Variants in H2AZ2 observed in about 807,000 individuals in gnomAD.
The protein encoded by H2AZ2 is histone H2A.V.
H2AZ2 carries 5 observed loss-of-function variants against 15.5 expected under a neutral mutation model. The ratio of observed to expected loss-of-function variants is 0.32; its 90% CI spans 0.17 to 0.68. The LOEUF is 0.68. Ranked by LOEUF, H2AZ2 falls within the 30% of genes least tolerant of loss-of-function variation. The pLI is 0.72. For missense variants in H2AZ2, 42 were observed against 162.5 expected (o/e 0.26, Z 4.03); for synonymous variants, 44 against 57.4 (o/e 0.77, Z 1.05).
At chr7:44,835,729 T>A in intron 3 of H2AZ2, 71 bp from the exon 4 acceptor site, 1 of 1,388,174 alleles carries the variant, frequency 7.2e-7, no homozygotes, top group East Asian at 2.3e-5. Flanking sequence ...ACTTAGCATT[T>A]GTACATACAA....
intron 3 of H2AZ2, among the ~76,000 whole-genome samples, chr7:44,839,965 T>C (rs990087444): frequency 1.3e-5 from 2 of 151,406 alleles, no homozygotes; most frequent in African/African-American, 4.8e-5. Context: ...ATTGTGCCAT[T>C]GCACTCCACC....
chr7:44,828,254 T>G (rs962774047), downstream of H2AZ2: 53 of 152,238 alleles, frequency 3.5e-4, no homozygotes, highest in African/African-American at 1.2e-3. Context: ...TTAACGACCT[T>G]GGTACTTCCT....
chr7:44,839,459 G>A (rs917918529), intron 3 of H2AZ2, among the ~76,000 whole-genome samples: 9 of 151,038 alleles, frequency 6.0e-5, no homozygotes, highest in East Asian at 2.0e-4. Flanking sequence ...GGTGGCTCAC[G>A]AGGTCAGGAG....
downstream of H2AZ2, among the ~76,000 whole-genome samples, chr7:44,831,666 G>A (rs919581612): frequency 2.0e-5 from 3 of 151,852 alleles, no homozygotes; most frequent in Non-Finnish European, 4.4e-5. Flanking sequence ...ATCCTGCCTC[G>A]TGAATTAATG....
chr7:44,831,524 T>C (rs1202196996), downstream of H2AZ2, among the ~76,000 whole-genome samples: 2 of 151,764 alleles, frequency 1.3e-5, no homozygotes, highest in Non-Finnish European at 2.9e-5. Flanking sequence ...GTTGATTATA[T>C]TGCACTCCCC....
Position 44,833,069 on chromosome 7 carries a change from A to G in H2AZ2, c.*1432T>C, listed in dbSNP as rs985046861. ...AAAAGTTGGGATTTTTTTTTTTGAG[A>G]CAGAGTCACACTCTGTCACCTAGGC... On this transcript the variant is annotated 3_prime_UTR_variant, in exon 5 of 5. Transcript: ENST00000308153. Among the ~76,000 whole-genome samples, 4 of 151,524 alleles carry G rather than the reference A, an allele frequency of 2.6e-5. No individual in the cohort carries two copies. The highest frequency in any genetic ancestry group is 4.4e-5 in the Non-Finnish European group (3 of 67,866).
At chr7:44,828,616 A>G (rs1792957840), downstream of H2AZ2, 1 of 152,226 alleles carries the variant, frequency 6.6e-6, no homozygotes, top group Non-Finnish European at 1.5e-5. Flanking sequence ...ATCACCCTTG[A>G]AAGAATTACA....
downstream of H2AZ2, chr7:44,830,189 G>T: frequency 6.2e-7 from 1 of 1,611,290 alleles, no homozygotes; most frequent in South Asian, 1.1e-5. Flanking sequence ...AGGACAAATA[G>T]AGAATAAAAA....
chr7:44,847,097 T>C (rs534691096), intron 1 of H2AZ2, among the ~76,000 whole-genome samples: 8 of 152,296 alleles, frequency 5.3e-5, no homozygotes, highest in East Asian at 1.9e-4. Flanking sequence ...GTAGCTCCCG[T>C]TGAAGTAACC....
chr7:44,840,840 G>C (rs1236472973), intron 3 of H2AZ2, 59 bp downstream of exon 3: 43 of 1,128,858 alleles, frequency 3.8e-5, no homozygotes, highest in Non-Finnish European at 5.4e-5. Context: ...ATGGGTTTCT[G>C]TCACTGAGAC....
chr7:44,847,917 C>T lies in H2AZ2; in HGVS notation c.3+52G>A, dbSNP rs1183493353. ...GTAGCGGCGCCGACGCCAGGGCCTC[C>T]GCGCTCTGCTCTCCCAGGCCCCGTG... is the stretch of plus-strand genomic sequence containing the variant. On this transcript the variant is annotated intron_variant, in intron 1 of 4. Transcript: ENST00000308153. 6 of 1,531,886 alleles carry T rather than the reference C, an allele frequency of 3.9e-6. No homozygotes were observed. In the East Asian group the frequency reaches 1.1e-4, roughly 28 times the overall value. 94.9% of individuals were successfully genotyped at this position (1,531,886 alleles called of 1,614,324 possible).
At chr7:44,837,841 GGC>G (rs56005115) in intron 3 of H2AZ2, among the ~76,000 whole-genome samples, 89,574 of 138,732 alleles carry the variant, frequency 0.65, 30,713 homozygotes, top group Middle Eastern at 0.79. Flanking sequence ...AGGGGGGGGG[GGC>G]TTAGATAGAT....
chr7:44,833,688 A>G lies in H2AZ2; in HGVS notation c.*813T>C, dbSNP rs1225900110. The G allele has an allele frequency of 1.4e-5, 14 of 985,454 alleles. No individual in the cohort carries two copies. In the South Asian group the frequency reaches 5.2e-4, roughly 36 times the overall value. The allele number at this position is 985,454 out of a possible 1,614,324, so 61.0% of individuals were successfully genotyped here. The stretch of plus-strand genomic sequence containing the variant: ...TTTAAACCAAAAGGAGAAACCTTTG[A>G]TAAACTGAACATCAATTCCAGGTAA... On this transcript the variant is annotated 3_prime_UTR_variant, in exon 5 of 5. Coordinates refer to ENST00000308153, the MANE Select transcript of H2AZ2 (RefSeq NM_012412.5).
chr7:44,830,834 C>T (rs1349665157), downstream of H2AZ2, among the ~76,000 whole-genome samples: 6 of 152,110 alleles, frequency 3.9e-5, no homozygotes, highest in Admixed American at 3.9e-4. Flanking sequence ...CCCATCTCTA[C>T]TACACAAATA....
chr7:44,840,995 G>C lies in H2AZ2; in HGVS notation c.99C>G (p.Ile33Met). Residue 33 changes from isoleucine to methionine, a missense_variant, in exon 3 of 5, where the codon ATC (isoleucine) becomes ATG (methionine). Ile to Met is a conservative substitution (Grantham distance 10). Coordinates refer to ENST00000308153, the MANE Select transcript of H2AZ2 (RefSeq NM_012412.5). ...RAGLQFPVGR[I>M]HRHLKTRTTS... ...TGGTGCGAGTCTTCAAGTGTCTGTG[G>C]ATGCGGCCCACAGGAAACTAAAAGA... The C allele has an allele frequency of 6.2e-7, 1 of 1,613,946 alleles. No individual in the cohort carries two copies. The highest frequency in any genetic ancestry group is 8.5e-7 in the Non-Finnish European group (1 of 1,179,894).
chr7:44,841,576 C>T (rs1240371421), intron 2 of H2AZ2, among the ~76,000 whole-genome samples: 2 of 152,192 alleles, frequency 1.3e-5, no homozygotes, highest in African/African-American at 4.8e-5. Context: ...GTGGCGCCAT[C>T]TTGGCTCACT....
intron 1 of H2AZ2, among the ~76,000 whole-genome samples, chr7:44,846,062 C>CACACAGAGAG (rs57468916): frequency 6.7e-5 from 5 of 75,156 alleles, no homozygotes; most frequent in Admixed American, 1.4e-4. Context: ...CACACACACA[C>CACACAGAGAG]AGAGAGAGAC....
intron 1 of H2AZ2, among the ~76,000 whole-genome samples, chr7:44,846,062 C>CACACACACACACACAG (rs57468916): frequency 1.8e-3 from 138 of 75,130 alleles, no homozygotes; most frequent in African/African-American, 5.6e-3. Flanking sequence ...CACACACACA[C>CACACACACACACACAG]AGAGAGAGAC....
downstream of H2AZ2, chr7:44,829,931 G>C: frequency 2.1e-6 from 1 of 479,560 alleles, no homozygotes; most frequent in Non-Finnish European, 3.7e-6. Flanking sequence ...ACTCATGCAA[G>C]GAAAAGCGCT....
Sources: allele counts gnomAD v4.1 joint callset (sites outside exome capture counted in the v4.1 genomes callset), GRCh38; gene constraint gnomAD v4.1.1; transcripts MANE v1.5; gene names NCBI Gene and HGNC (gene_info 2026-07-23, HGNC 2026-07-21).